The following RAB40B variants were observed in gnomAD, a reference collection of about 807,000 sequenced individuals.
RAB40B encodes the protein RAB40B, member RAS oncogene family.
RAB40B carries 21 observed loss-of-function variants against 24.0 expected under a neutral mutation model. The ratio of observed to expected loss-of-function variants is 0.88; its 90% CI spans 0.62 to 1.26. The LOEUF (loss-of-function observed/expected upper bound fraction) is 1.26, where lower values mean the gene tolerates loss of function less well. RAB40B is among the 50% of genes most tolerant of loss of function. RAB40B has a pLI of 0.00. For synonymous variants in RAB40B, 167 were observed against 169.8 expected (o/e 0.98, Z 0.13); for missense variants, 348 against 390.5 (o/e 0.89, Z 0.92).
At chr17:82,689,214 G>A (rs2046531520) in intron 1 of RAB40B, among the ~76,000 whole-genome samples, 1 of 152,266 alleles carries the variant, frequency 6.6e-6, no homozygotes, top group African/African-American at 2.4e-5. Flanking sequence ...CTGCACTCCT[G>A]GGGCAGGAGG....
At position 82,675,640 on chromosome 17, in the gene RAB40B, C is replaced by T. The variant is rs545573778; in HGVS notation, c.143-11084G>A. 2.0e-5 allele frequency among the ~76,000 whole-genome samples: 3 copies of T among 152,294 alleles called. No homozygotes were observed. The highest frequency in any genetic ancestry group is 2.1e-4 in the South Asian group (1 of 4,834). Reference sequence around the variant, plus strand: ...AGGTCCAGGCAGAGCCAGTGTCTGACGAGGGCTGCATCCTGGTTCATGGAG... The same window carrying T: ...AGGTCCAGGCAGAGCCAGTGTCTGATGAGGGCTGCATCCTGGTTCATGGAG... On this transcript the variant is annotated intron_variant, in intron 1 of 5. Transcript: ENST00000571995. This position sits in a 1 kb window ranked among gnomAD's most constrained non-coding sequence, Gnocchi z 4.5.
In RAB40B at chr17:82,667,210, G is replaced by A. The variant is rs866385450; in HGVS notation, c.143-2654C>T. ...CTAGAACCCTTGGACTTGGCCACAA[G>A]CCCCCCTGCATCCCAGGAGGCAGTG... On this transcript the variant is annotated intron_variant, in intron 1 of 5. Transcript: ENST00000571995. The surrounding 1 kb of genome is among the most constrained non-coding windows in gnomAD (Gnocchi z 4.3). Among the ~76,000 whole-genome samples, 1 of 152,358 alleles carries A rather than the reference G, an allele frequency of 6.6e-6. No homozygotes were observed. Among genetic ancestry groups the A allele is most frequent in the South Asian group, 2.1e-4 (1 of 4,830 alleles).
At chr17:82,660,644 C>T (rs2046158700) in intron 3 of RAB40B, among the ~76,000 whole-genome samples, 1 of 151,566 alleles carries the variant, frequency 6.6e-6, no homozygotes, top group Non-Finnish European at 1.5e-5. Context: ...CGCACAGGCA[C>T]TCATGCAGAC....
chr17:82,662,373 A>G (rs1170836812), intron 2 of RAB40B: 1 of 985,356 alleles, frequency 1.0e-6, no homozygotes, highest in Non-Finnish European at 1.2e-6. Flanking sequence ...CTTCGCAGGG[A>G]GGCCGAAGGG....
At chr17:82,684,182 T>C (rs1598313191) in intron 1 of RAB40B, among the ~76,000 whole-genome samples, 1 of 147,254 alleles carries the variant, frequency 6.8e-6, no homozygotes, top group African/African-American at 2.5e-5. Flanking sequence ...GATTGCGCTT[T>C]TGCACTCTAG....
Position 82,698,468 on chromosome 17 carries a change from G to T in RAB40B, c.129C>A (p.Tyr43Ter). The T allele has an allele frequency of 2.0e-6, 3 of 1,466,694 alleles. No homozygotes were observed. The highest frequency in any genetic ancestry group is 2.7e-6 in the Non-Finnish European group (3 of 1,097,272). 90.9% of individuals were successfully genotyped at this position (1,466,694 alleles called of 1,614,324 possible). Residue 43 changes from tyrosine (Y) to a stop codon, truncating the protein, a stop_gained, in exon 1 of 6, where the codon TAC (tyrosine) becomes TAA (stop). Transcript: ENST00000571995. LOFTEE classifies it high-confidence loss of function. ...GCCCGCGCTCACCCGCCGGGTGGCC[G>T]TACGGGGACTCGGCCGCGCCATCCT... ...SLQDGAAESP[Y>*]GHPAGIDYKT...
intron 1 of RAB40B, among the ~76,000 whole-genome samples, chr17:82,695,172 C>T (rs779371856): frequency 4.3e-4 from 65 of 150,014 alleles, no homozygotes; most frequent in Non-Finnish European, 3.7e-4. Flanking sequence ...TACGAACGCC[C>T]TCATCTTTCT....
At chr17:82,665,076 C>T (rs539333543) in intron 1 of RAB40B, among the ~76,000 whole-genome samples, 32 of 152,330 alleles carry the variant, frequency 2.1e-4, no homozygotes, top group Non-Finnish European at 1.0e-4. Context: ...GTGGGATGCC[C>T]GCTCTCAGCT....
chr17:82,674,360 G>A (rs1049561748), intron 1 of RAB40B, among the ~76,000 whole-genome samples: 4 of 149,214 alleles, frequency 2.7e-5, no homozygotes, highest in Non-Finnish European at 6.0e-5. Context: ...GACCAGGCGT[G>A]GTGGTTCACG....
At position 82,667,599 on chromosome 17, in the gene RAB40B, A is replaced by G. The variant is rs1326873607; in HGVS notation, c.143-3043T>C. 1.3e-5 allele frequency among the ~76,000 whole-genome samples: 2 copies of G among 152,070 alleles called. No individual in the cohort carries two copies. The highest frequency in any genetic ancestry group is 2.9e-5 in the Non-Finnish European group (2 of 68,014). On this transcript the variant is annotated intron_variant, in intron 1 of 5. Transcript: ENST00000571995. This position sits in a 1 kb window ranked among gnomAD's most constrained non-coding sequence, Gnocchi z 4.3. ...CCAGAGCCCCAGAGACATGGAGTCC[A>G]GGCTTCCCGCATCCTCCTCTGTCTC...
rs1568028715 is a variant in RAB40B at position 82,659,575 on chromosome 17, C to T, written c.342+5G>A. ...ATCTTGGGCAGTGGCATTTCTACAA[C>T]ATACCTCATCGATCTCCTTAATCCA... On this transcript the variant is annotated splice_donor_5th_base_variant and intron_variant, in intron 4 of 5. Coordinates refer to ENST00000571995, the MANE Select transcript of RAB40B (RefSeq NM_006822.3). The T allele has an allele frequency of 8.7e-6, 14 of 1,614,028 alleles. No individual in the cohort carries two copies. Among genetic ancestry groups the T allele is most frequent in the Non-Finnish European group, 1.1e-5 (13 of 1,179,902 alleles).
Position 82,657,805 on chromosome 17 carries a change from G to A in RAB40B, c.*58C>T, listed in dbSNP as rs753877226. 8.8e-6 allele frequency: 14 copies of A among 1,588,388 alleles called. No homozygotes were observed. The East Asian group carries it at 1.1e-4, about 13-fold the overall frequency. ...ATCTGAGATGCATCCACCAGCTGCC[G>A]GGGGTAACGCCGAGCTTCTCCTGGA... On this transcript the variant is annotated 3_prime_UTR_variant, in exon 6 of 6. Coordinates refer to ENST00000571995, the MANE Select transcript of RAB40B (RefSeq NM_006822.3).
intron 1 of RAB40B, among the ~76,000 whole-genome samples, chr17:82,669,175 A>G (rs996834357): frequency 6.6e-6 from 1 of 151,866 alleles, no homozygotes; most frequent in African/African-American, 2.4e-5. Context: ...TCATCTCTAC[A>G]AAAAATTTAA....
chr17:82,662,782 G>A (rs758986893), intron 2 of RAB40B: 147 of 985,284 alleles, frequency 1.5e-4, no homozygotes, highest in Non-Finnish European at 1.7e-4. Context: ...GTGACTGTTC[G>A]GCCCACTGGG....
At chr17:82,674,857 T>C (rs1285862719) in intron 1 of RAB40B, among the ~76,000 whole-genome samples, 1 of 151,868 alleles carries the variant, frequency 6.6e-6, no homozygotes. Context: ...GGCCAGGGTG[T>C]GTGCAGGGAG....
chr17:82,678,360 G>A (rs1038151599), intron 1 of RAB40B, among the ~76,000 whole-genome samples: 1 of 152,252 alleles, frequency 6.6e-6, no homozygotes, highest in Admixed American at 6.5e-5. Flanking sequence ...AACAAAGCCC[G>A]TCAGAATGTT....
chr17:82,659,552 C>A, intron 4 of RAB40B, 28 bp downstream of exon 4: 6 of 1,611,162 alleles, frequency 3.7e-6, no homozygotes, highest in Non-Finnish European at 5.1e-6. Flanking sequence ...CTACAGGGAT[C>A]TTGGGCAGTG....
chr17:82,668,857 G>A (rs55869205), intron 1 of RAB40B, among the ~76,000 whole-genome samples: 26,535 of 152,224 alleles, frequency 0.17, 2,494 homozygotes, highest in Non-Finnish European at 0.2. Context: ...CCATGCCTCC[G>A]CTGCAGCCGG....
At chr17:82,689,543 G>A (rs1363087203) in intron 1 of RAB40B, among the ~76,000 whole-genome samples, 2 of 152,358 alleles carry the variant, frequency 1.3e-5, no homozygotes, top group East Asian at 1.9e-4. Context: ...GGACACAGGC[G>A]AGGTGGGGCC....
Sources: gnomAD v4.1 joint callset for allele counts (sites outside exome capture counted in the v4.1 genomes callset) on GRCh38, gnomAD v4.1.1 for gene constraint, Gnocchi (gnomAD v3.1) non-coding constraint, MANE v1.5 for transcripts, NCBI Gene and HGNC (gene_info 2026-07-23, HGNC 2026-07-21) for gene names.